The following ACVR2A variants were observed in gnomAD, a reference collection of about 807,000 sequenced individuals.
ACVR2A encodes the protein activin receptor type-2A.
ACVR2A carries 7 observed loss-of-function variants against 61.4 expected under a neutral mutation model. The ratio of observed to expected loss-of-function variants is 0.11; its 90% CI spans 0.06 to 0.21. ACVR2A has a LOEUF of 0.21. Ranked by LOEUF, ACVR2A falls within the 10% of genes least tolerant of loss-of-function variation. The probability of loss-of-function intolerance (pLI) is 1.00; values close to 1 mark genes in which losing one functional copy is unlikely to be tolerated. For synonymous variants in ACVR2A, 193 were observed against 208.3 expected (o/e 0.93, Z 0.63); for missense variants, 322 against 621.7 (o/e 0.52, Z 5.13).
intron 10 of ACVR2A, among the ~76,000 whole-genome samples, chr2:147,926,464 G>C (rs1687502345): frequency 6.6e-6 from 1 of 151,936 alleles, no homozygotes; most frequent in Admixed American, 6.6e-5. Flanking sequence ...GGATAGTTGG[G>C]TAACTTTGCT....
chr2:147,880,106 G>T (rs1013220035), intron 1 of ACVR2A, among the ~76,000 whole-genome samples: 1 of 152,090 alleles, frequency 6.6e-6, no homozygotes, highest in Non-Finnish European at 1.5e-5. Context: ...TTTATAGAGG[G>T]TTTATTTACT....
chr2:147,860,867 C>G (rs1177058229), intron 1 of ACVR2A, among the ~76,000 whole-genome samples: 1 of 152,208 alleles, frequency 6.6e-6, no homozygotes, highest in Non-Finnish European at 1.5e-5. Flanking sequence ...TAGCCCATCA[C>G]TTGCCCCTAC....
chr2:147,853,791 A>T (rs573014795), intron 1 of ACVR2A, among the ~76,000 whole-genome samples: 1 of 152,196 alleles, frequency 6.6e-6, no homozygotes, highest in South Asian at 2.1e-4. Context: ...TAAAATTTTT[A>T]TTTTAAAGGA....
intron 1 of ACVR2A, among the ~76,000 whole-genome samples, chr2:147,848,562 A>G (rs1685373808): frequency 6.6e-6 from 1 of 152,156 alleles, no homozygotes; most frequent in Non-Finnish European, 1.5e-5. Context: ...ACCCTGTTCT[A>G]AGAAAACCAA....
chr2:147,920,434 T>G, intron 8 of ACVR2A, 90 bp downstream of exon 8: 1 of 977,638 alleles, frequency 1.0e-6, no homozygotes, highest in Non-Finnish European at 1.6e-6. Flanking sequence ...AGTCTAAAAT[T>G]GTTGTGGTGT....
intron 1 of ACVR2A, among the ~76,000 whole-genome samples, chr2:147,850,297 A>G (rs1027071004): frequency 2.6e-5 from 4 of 152,154 alleles, no homozygotes; most frequent in African/African-American, 9.7e-5. Flanking sequence ...TAATGAAAAC[A>G]GATTGAATTT....
intron 9 of ACVR2A, among the ~76,000 whole-genome samples, chr2:147,923,790 G>A (rs994117093): frequency 1.3e-5 from 2 of 152,072 alleles, no homozygotes; most frequent in Admixed American, 6.6e-5. Flanking sequence ...CTAAACAGAT[G>A]TAAATGAGCT....
intron 2 of ACVR2A, among the ~76,000 whole-genome samples, chr2:147,898,600 A>T (rs1250391823): frequency 6.6e-6 from 1 of 152,132 alleles, no homozygotes; most frequent in Admixed American, 6.6e-5. Flanking sequence ...TCTGACAACT[A>T]TCAAAAAAGT....
intron 2 of ACVR2A, among the ~76,000 whole-genome samples, chr2:147,897,289 T>G (rs1428628669): frequency 6.6e-6 from 1 of 152,150 alleles, no homozygotes; most frequent in African/African-American, 2.4e-5. Context: ...ATTACAGATG[T>G]GAGCCACCAT....
At chr2:147,902,023 G>A (rs1686881553) in intron 4 of ACVR2A, among the ~76,000 whole-genome samples, 1 of 151,730 alleles carries the variant, frequency 6.6e-6, no homozygotes, top group Non-Finnish European at 1.5e-5. Flanking sequence ...CTAGGGCACT[G>A]TTAAGTTATA....
intron 1 of ACVR2A, among the ~76,000 whole-genome samples, chr2:147,879,036 G>T (rs1187359967): frequency 1.3e-5 from 2 of 152,122 alleles, no homozygotes; most frequent in Non-Finnish European, 2.9e-5. Context: ...TAGACCATAT[G>T]GTAAATGTAT....
chr2:147,918,359 A>G (rs758425296), intron 6 of ACVR2A, 88 bp from the exon 7 acceptor site: 14 of 1,160,832 alleles, frequency 1.2e-5, no homozygotes, highest in African/African-American at 1.6e-5. Context: ...AGGGAAACTC[A>G]CAACCTCTTA....
chr2:147,890,806 A>AT (rs914105663), intron 1 of ACVR2A, among the ~76,000 whole-genome samples: 3 of 152,202 alleles, frequency 2.0e-5, no homozygotes, highest in African/African-American at 7.2e-5. Context: ...TAATTTACTT[A>AT]TTTTTATAAT....
At chr2:147,864,988 A>G (rs1307262508) in intron 1 of ACVR2A, among the ~76,000 whole-genome samples, 2 of 152,124 alleles carry the variant, frequency 1.3e-5, no homozygotes. Flanking sequence ...GATTACTAAA[A>G]TTAATGATAT....
chr2:147,851,511 C>A (rs1478938167), intron 1 of ACVR2A, among the ~76,000 whole-genome samples: 5 of 152,070 alleles, frequency 3.3e-5, no homozygotes, highest in Non-Finnish European at 7.4e-5. Flanking sequence ...ACTTGACTTG[C>A]AGTTTCTTAA....
chr2:147,913,611 C>G (rs1358682872), intron 4 of ACVR2A, among the ~76,000 whole-genome samples: 2 of 151,406 alleles, frequency 1.3e-5, no homozygotes, highest in Non-Finnish European at 3.0e-5. Context: ...TAGAATTTCT[C>G]GGATAGAGGT....
At chr2:147,896,254 AT>A (rs1686730339) in intron 1 of ACVR2A, 46 bp from the exon 2 acceptor site, 2 of 1,519,926 alleles carry the variant, frequency 1.3e-6, no homozygotes, top group South Asian at 2.4e-5. Context: ...ACAGTCTTTT[AT>A]TTTAACAGAT....
intron 1 of ACVR2A, among the ~76,000 whole-genome samples, chr2:147,883,456 G>T (rs1484734007): frequency 6.6e-6 from 1 of 152,174 alleles, no homozygotes; most frequent in Non-Finnish European, 1.5e-5. Context: ...TTCCCAAAGT[G>T]CTGGGATTAC....
At chr2:147,923,156 C>A in intron 9 of ACVR2A, 45 bp downstream of exon 9, 1 of 1,557,688 alleles carries the variant, frequency 6.4e-7, no homozygotes, top group South Asian at 1.2e-5. Flanking sequence ...ATGCCTACCA[C>A]ACATATATGA....
Sources: gnomAD v4.1 joint callset for allele counts (sites outside exome capture counted in the v4.1 genomes callset) on GRCh38, gnomAD v4.1.1 for gene constraint, MANE v1.5 for transcripts, NCBI Gene and HGNC (gene_info 2026-07-23, HGNC 2026-07-21) for gene names.